The following ABCC3 variants were observed in gnomAD, a reference collection of about 807,000 sequenced individuals.
The protein encoded by ABCC3 is ATP binding cassette subfamily C member 3, also known as ATP-binding cassette sub-family C member 3.
In ABCC3, 121 loss-of-function variants were observed where a neutral mutation model predicts 165.3. The observed-to-expected ratio is 0.73, with a 90% CI of 0.63 to 0.85. The LOEUF (loss-of-function observed/expected upper bound fraction) is 0.85. Among genes scored for constraint, ABCC3 ranks in the 40% least tolerant of loss-of-function variants. The probability of loss-of-function intolerance (pLI) is 0.00; values close to 1 mark genes in which losing one functional copy is unlikely to be tolerated. For synonymous variants in ABCC3, 733 were observed against 810.1 expected (o/e 0.90, Z 1.62); for missense variants, 1,869 against 1,964.1 (o/e 0.95, Z 0.92).
intron 8 of ABCC3, chr17:50,663,371 G>A: frequency 2.6e-6 from 1 of 384,118 alleles, no homozygotes; most frequent in Non-Finnish European, 4.8e-6. Context: ...ATGGAAACGT[G>A]GCATTTCTTC....
intron 1 of ABCC3, among the ~76,000 whole-genome samples, chr17:50,642,489 G>A (rs959536446): frequency 2.6e-5 from 4 of 152,198 alleles, no homozygotes; most frequent in Non-Finnish European, 5.9e-5. Context: ...CCAAAACACG[G>A]GCCTGACAGC....
intron 7 of ABCC3, 141 bp from the exon 8 acceptor site, chr17:50,660,782 C>G: frequency 2.2e-5 from 13 of 582,706 alleles, no homozygotes; most frequent in African/African-American, 3.8e-5. Context: ...AATTCTTATG[C>G]TGTCTGTTCC....
In ABCC3 at chr17:50,665,190, T is replaced by C. The variant is rs1319963880; in HGVS notation, c.1376T>C (p.Met459Thr). Residue 459 changes from methionine to threonine, a missense_variant, in exon 11 of 31, where the codon ATG becomes ACG. Coordinates refer to ENST00000285238, the MANE Select transcript of ABCC3 (RefSeq NM_003786.4). Reference protein sequence around the residue: ...GPSVLAGVAFMVLLIPLNGAV... With the variant: ...GPSVLAGVAFTVLLIPLNGAV... ...TCTGTCCTGGCTGGAGTCGCTTTCA[T>C]GGTCTTGCTGATTCCACTCAACGGA... is the stretch of plus-strand genomic sequence containing the variant. 6.2e-7 allele frequency: 1 copy of C among 1,604,976 alleles called. No homozygotes were observed. The highest frequency in any genetic ancestry group is 8.5e-7 in the Non-Finnish European group (1 of 1,174,202).
rs766798181 is a variant in ABCC3 at position 50,668,396 on chromosome 17, A to T, written c.1783-34A>T. On this transcript the variant is annotated intron_variant, in intron 13 of 30. Coordinates refer to ENST00000285238, the MANE Select transcript of ABCC3 (RefSeq NM_003786.4). The stretch of plus-strand genomic sequence containing the variant: ...GGTAGGGGTTGGGGGTTGGGAAAGT[A>T]CAGTCTCTAGGGCTGACTCACATCC... 2.5e-6 allele frequency: 4 copies of T among 1,589,720 alleles called. No homozygotes were observed. The African/African-American group carries it at 4.0e-5, about 16-fold the overall frequency.
At chr17:50,644,172 G>A (rs1452885973) in intron 1 of ABCC3, among the ~76,000 whole-genome samples, 2 of 151,834 alleles carry the variant, frequency 1.3e-5, no homozygotes, top group Non-Finnish European at 2.9e-5. Flanking sequence ...TTAGCTGGGC[G>A]TGGTGGCGGG....
At chr17:50,669,294 G>C (rs1255737833) in intron 16 of ABCC3, 28 bp downstream of exon 16, 1 of 1,613,978 alleles carries the variant, frequency 6.2e-7, no homozygotes, top group African/African-American at 1.3e-5. Context: ...TCCTGGGCAG[G>C]GTGTGGGGCT....
chr17:50,679,328 T>C (rs1472464669), intron 25 of ABCC3: 1 of 152,902 alleles, frequency 6.5e-6, no homozygotes, highest in Non-Finnish European at 1.5e-5. Context: ...TGAATCTACT[T>C]GTTAAAATGT....
rs768665751 is a variant in ABCC3 at position 50,663,782 on chromosome 17, T to A, written c.1100T>A (p.Leu367Ter). 1.9e-6 allele frequency: 3 copies of A among 1,614,216 alleles called. No homozygotes were observed. The highest frequency in any genetic ancestry group is 2.5e-6 in the Non-Finnish European group (3 of 1,180,038). ...FLCSMMQSLI[L>*]QHYYHYIFVT... Reference sequence around the variant, plus strand: ...TGCTCCATGATGCAGTCGCTGATCTTACAACACTATTACCACTACATCTTT... The same window carrying A: ...TGCTCCATGATGCAGTCGCTGATCTAACAACACTATTACCACTACATCTTT... Residue 367 changes from leucine to a stop codon, truncating the protein, a stop_gained, in exon 9 of 31, where the codon TTA becomes TAA. Coordinates refer to ENST00000285238, the MANE Select transcript of ABCC3 (RefSeq NM_003786.4). LOFTEE classifies it high-confidence loss of function.
intron 8 of ABCC3, among the ~76,000 whole-genome samples, chr17:50,661,539 C>G (rs1967387831): frequency 6.6e-6 from 1 of 152,200 alleles, no homozygotes; most frequent in African/African-American, 2.4e-5. Flanking sequence ...CCATCAGGCT[C>G]TAACATCTGT....
rs1967695450 is a variant in ABCC3, at chr17:50,673,511, A to G, written c.2452A>G (p.Thr818Ala). ...GCACGGCATTAGCTTCCTGCCCCAG[A>G]CAGACTTCATCATTGTGCTAGCTGA... is the stretch of plus-strand genomic sequence containing the variant. Reference protein sequence around the residue: ...VTHGISFLPQTDFIIVLADGQ... With the variant: ...VTHGISFLPQADFIIVLADGQ... The change falls in exon 19 of 31, where the codon ACA becomes GCA. Residue 818 changes from threonine to alanine, a missense_variant. By Grantham distance (58) the Thr-to-Ala change is moderately conservative. Coordinates refer to ENST00000285238, the MANE Select transcript of ABCC3 (RefSeq NM_003786.4). 1.2e-6 allele frequency: 2 copies of G among 1,614,036 alleles called. No homozygotes were observed. Among genetic ancestry groups the G allele is most frequent in the Non-Finnish European group, 1.7e-6 (2 of 1,180,038 alleles).
At chr17:50,649,703 A>C (rs1226153970) in intron 1 of ABCC3, among the ~76,000 whole-genome samples, 2 of 150,254 alleles carry the variant, frequency 1.3e-5, no homozygotes, top group South Asian at 2.1e-4. Flanking sequence ...GAGGGAGGGA[A>C]GAAGGGAAAG....
At chr17:50,673,343 T>A in intron 18 of ABCC3, 126 bp from the exon 19 acceptor site, 1 of 1,307,944 alleles carries the variant, frequency 7.6e-7, no homozygotes, top group East Asian at 2.4e-5. Flanking sequence ...ACAGGGTGAG[T>A]CACCCATGTG....
chr17:50,667,174 T>C (rs1328980320), intron 11 of ABCC3, among the ~76,000 whole-genome samples: 2 of 152,118 alleles, frequency 1.3e-5, no homozygotes, highest in African/African-American at 2.4e-5. Context: ...TGAGCTATGA[T>C]TGTACCACTG....
At chr17:50,684,158 G>T (rs753853387) in intron 28 of ABCC3, 51 bp downstream of exon 28, 10 of 1,592,026 alleles carry the variant, frequency 6.3e-6, no homozygotes, top group Non-Finnish European at 7.7e-6. Context: ...CTGGAGGCAG[G>T]CCCCACCTTG....
intron 1 of ABCC3, among the ~76,000 whole-genome samples, chr17:50,642,076 G>T (rs1966902875): frequency 6.6e-6 from 1 of 152,142 alleles, no homozygotes; most frequent in South Asian, 2.1e-4. Flanking sequence ...GACAGGGTTT[G>T]CTGAGAGACC....
chr17:50,655,821 T>TGTGTCCCCAGGACTCC lies in ABCC3; in HGVS notation c.46-10_51dup, dbSNP rs748218315. On this transcript the variant is annotated splice_polypyrimidine_tract_variant and intron_variant, in intron 1 of 30. Coordinates refer to ENST00000285238, the MANE Select transcript of ABCC3 (RefSeq NM_003786.4). ...GCTGCCACAGCACTAAACTGTTCTC[T>TGTGTCCCCAGGACTCC]GTGTCCCCAGGACTCCAACCTGTCT... is the stretch of plus-strand genomic sequence containing the variant. 6.2e-7 allele frequency: 1 copy of TGTGTCCCCAGGACTCC among 1,613,516 alleles called. No individual in the cohort carries two copies. Among genetic ancestry groups the TGTGTCCCCAGGACTCC allele is most frequent in the Admixed American group, 1.7e-5 (1 of 59,994 alleles).
intron 8 of ABCC3, 63 bp downstream of exon 8, chr17:50,661,177 A>G: frequency 2.0e-6 from 3 of 1,480,118 alleles, no homozygotes; most frequent in Non-Finnish European, 2.7e-6. Context: ...TGGCTAGCCC[A>G]GAGGAAGGAA....
intron 11 of ABCC3, among the ~76,000 whole-genome samples, chr17:50,666,561 T>C (rs540158441): frequency 6.6e-6 from 1 of 152,356 alleles, no homozygotes; most frequent in South Asian, 2.1e-4. Context: ...ATTACTTTCT[T>C]ACAGGATCCT....
In ABCC3 at chr17:50,667,953, A is replaced by G; in HGVS notation, c.1726A>G (p.Asn576Asp). ...GGCCTTTGTGTCTGTGTCCTTGTTTAATATCTTAAGACTTCCCCTCAACAT... is the reference window on the plus strand; with the variant it reads ...GGCCTTTGTGTCTGTGTCCTTGTTTGATATCTTAAGACTTCCCCTCAACAT... ...EKAFVSVSLFNILRLPLNMLP... is the reference protein window; with the variant it reads ...EKAFVSVSLFDILRLPLNMLP... Residue 576 changes from asparagine to aspartate, a missense_variant, in exon 13 of 31, where the codon AAT becomes GAT. By Grantham distance (23) the Asn-to-Asp change is conservative (BLOSUM62 1). Transcript: ENST00000285238. 1 of 1,614,142 alleles carries G rather than the reference A, an allele frequency of 6.2e-7. No individual in the cohort carries two copies. The highest frequency in any genetic ancestry group is 8.5e-7 in the Non-Finnish European group (1 of 1,180,030).
Sources: gnomAD v4.1 joint callset for allele counts (sites outside exome capture counted in the v4.1 genomes callset) on GRCh38, gnomAD v4.1.1 for gene constraint, MANE v1.5 for transcripts, NCBI Gene and HGNC (gene_info 2026-07-23, HGNC 2026-07-21) for gene names.